IFITM10: variants seen among roughly 807,000 people sequenced by gnomAD.
IFITM10 encodes interferon-induced transmembrane protein 10.
A neutral mutation model predicts 19.0 loss-of-function variants in IFITM10; 17 were observed. That is an observed-to-expected ratio of 0.90 (90% CI 0.61 to 1.34). IFITM10 has a LOEUF of 1.34. IFITM10 is among the 40% of genes most tolerant of loss of function. The pLI, the probability that IFITM10 is intolerant of heterozygous loss-of-function variation, is 0.00. For missense variants in IFITM10, 306 were observed against 319.8 expected, an observed-to-expected ratio of 0.96 and a Z score of 0.33; for synonymous variants, 148 against 147.2, an observed-to-expected ratio of 1.01 and a Z score of -0.04.
At chr11:1,749,860 GCC>G (rs1317011454) in intron 1 of IFITM10, among the ~76,000 whole-genome samples, 16 of 152,036 alleles carry the variant, frequency 1.1e-4, no homozygotes, top group Admixed American at 1.0e-3. Context: ...CGGAGCTCCT[GCC>G]CCCTTTCCTG....
chr11:1,746,000 GTACA>G (rs528320376), intron 2 of IFITM10: 59 of 140,936 alleles, frequency 4.2e-4, no homozygotes, highest in African/African-American at 1.5e-3. Context: ...GCACACTCAG[GTACA>G]TACAGACAGT....
chr11:1,743,536 T>C (rs139778306), intron 2 of IFITM10, among the ~76,000 whole-genome samples: 1 of 152,182 alleles, frequency 6.6e-6, no homozygotes, highest in Non-Finnish European at 1.5e-5. Context: ...GAATGATAGA[T>C]GGATGGAGGA....
intron 2 of IFITM10, among the ~76,000 whole-genome samples, chr11:1,739,140 G>C (rs1851118800): frequency 6.6e-6 from 1 of 151,700 alleles, no homozygotes; most frequent in Non-Finnish European, 1.5e-5. Flanking sequence ...TATAGGAACG[G>C]ATGCCAGACT....
intron 2 of IFITM10, among the ~76,000 whole-genome samples, chr11:1,747,296 C>T (rs1354744236): frequency 6.6e-6 from 1 of 152,164 alleles, no homozygotes; most frequent in Admixed American, 6.5e-5. Flanking sequence ...TCCCTGCACA[C>T]GGAGAAGTGG....
chr11:1,748,416 G>A (rs1262159935), intron 1 of IFITM10: 2 of 369,364 alleles, frequency 5.4e-6, no homozygotes, highest in African/African-American at 2.1e-5. Context: ...GCACACCAAC[G>A]CTGAGACTGA....
At position 1,747,139 on chromosome 11, in the gene IFITM10, C is replaced by T. The variant is rs567972205; in HGVS notation, c.537+528G>A. On this transcript the variant is annotated intron_variant, in intron 2 of 2. Transcript: ENST00000340134. Reference sequence around the variant, plus strand: ...CCTCTTCCCTGGGCTGCCCTGGCCACCCAGGTCTGGTCTCCACGCAGGGCT... The same window carrying T: ...CCTCTTCCCTGGGCTGCCCTGGCCATCCAGGTCTGGTCTCCACGCAGGGCT... Among the ~76,000 whole-genome samples the T allele has an allele frequency of 5.3e-5, 8 of 152,238 alleles. No individual in the cohort carries two copies. In the East Asian group the frequency reaches 1.5e-3, roughly 29 times the overall value.
In IFITM10 at chr11:1,748,229, G is replaced by C. The variant is rs561668204; in HGVS notation, c.85-110C>G. 3.4e-6 allele frequency: 3 copies of C among 882,062 alleles called. No homozygotes were observed. In the East Asian group the frequency reaches 1.0e-4, roughly 29 times the overall value. 54.6% of individuals were successfully genotyped at this position (882,062 alleles called of 1,614,324 possible). ...CAGTGGAGACGGAAATCCCTGCGGG[G>C]GCCGCCAGCTGCCAGCCTGCCACCT... On this transcript the variant is annotated intron_variant, in intron 1 of 2. Coordinates refer to ENST00000340134, the MANE Select transcript of IFITM10 (RefSeq NM_001170820.4).
chr11:1,741,118 C>G (rs1845565942), intron 2 of IFITM10, among the ~76,000 whole-genome samples: 1 of 151,978 alleles, frequency 6.6e-6, no homozygotes, highest in South Asian at 2.1e-4. Context: ...ATAAATTACT[C>G]TCTCTCAGGT....
intron 2 of IFITM10, among the ~76,000 whole-genome samples, chr11:1,747,095 T>C (rs1206242769): frequency 2.0e-5 from 3 of 151,818 alleles, no homozygotes; most frequent in Admixed American, 6.6e-5. Context: ...GCTGGGGAGG[T>C]GCAGGACCTG....
intron 2 of IFITM10, among the ~76,000 whole-genome samples, chr11:1,743,080 TGGAG>T (rs1845590071): frequency 7.6e-6 from 1 of 132,030 alleles, no homozygotes; most frequent in South Asian, 2.5e-4. Flanking sequence ...GATGGATGGA[TGGAG>T]GATGGATGGA....
chr11:1,748,386 A>G, intron 1 of IFITM10: 1 of 384,088 alleles, frequency 2.6e-6, no homozygotes, highest in East Asian at 3.8e-5. Flanking sequence ...GACACACACA[A>G]CAGCACCCCC....
In IFITM10 at chr11:1,734,859, C is replaced by A; in HGVS notation, c.*421G>T. ...GACACAAGGGCTCTGAGCGGGGTCA[C>A]ATCGTGGAGGAGGCAGGGTCGGGGA... On this transcript the variant is annotated 3_prime_UTR_variant, in exon 3 of 3. Coordinates refer to ENST00000340134, the MANE Select transcript of IFITM10 (RefSeq NM_001170820.4). 1 of 183,926 alleles carries A rather than the reference C, an allele frequency of 5.4e-6. No individual in the cohort carries two copies. The highest frequency in any genetic ancestry group is 1.1e-5 in the Non-Finnish European group (1 of 88,910). The allele number at this position is 183,926 out of a possible 1,614,324, so 11.4% of individuals were successfully genotyped here.
rs940014189 is a variant in IFITM10, at chr11:1,746,884, G to A, written c.537+783C>T. On this transcript the variant is annotated intron_variant, in intron 2 of 2. Coordinates refer to ENST00000340134, the MANE Select transcript of IFITM10 (RefSeq NM_001170820.4). ...GGTGGGGAGGAGGGCACCGGGGCCT[G>A]CCCTCGCCCTCACGCTCCCTTCCCC... 15 of 398,018 alleles carry A rather than the reference G, an allele frequency of 3.8e-5. No homozygotes were observed. In the Admixed American group the frequency reaches 5.7e-4, roughly 15 times the overall value. The allele number at this position is 398,018 out of a possible 1,614,324, so 24.7% of individuals were successfully genotyped here.
At chr11:1,747,440 G>A (rs888546613) in intron 2 of IFITM10, among the ~76,000 whole-genome samples, 1 of 152,156 alleles carries the variant, frequency 6.6e-6, no homozygotes, top group Admixed American at 6.5e-5. Context: ...GCTCAGGAGA[G>A]GGAAGGGCAG....
chr11:1,744,196 T>C (rs1845609607), intron 2 of IFITM10, among the ~76,000 whole-genome samples: 1 of 152,218 alleles, frequency 6.6e-6, no homozygotes, highest in Non-Finnish European at 1.5e-5. Flanking sequence ...GTGTCCTCTG[T>C]CCACCCACCC....
intron 1 of IFITM10, chr11:1,749,166 C>G (rs1279135851): frequency 2.2e-6 from 2 of 891,276 alleles, no homozygotes; most frequent in Non-Finnish European, 2.7e-6. Flanking sequence ...GGCGGCGGCG[C>G]CGCTGCCTCC....
rs1437035934 is a variant in IFITM10 at position 1,736,780 on chromosome 11, T to C, written c.538-1351A>G. On this transcript the variant is annotated intron_variant, in intron 2 of 2. Coordinates refer to ENST00000340134, the MANE Select transcript of IFITM10 (RefSeq NM_001170820.4). ...GATGGAGTGGAGTCAATGGAATGGATAGAGTGGATGGAGTGGAGTGAATGG... is the reference window on the plus strand; with the variant it reads ...GATGGAGTGGAGTCAATGGAATGGACAGAGTGGATGGAGTGGAGTGAATGG... 3.4e-5 allele frequency among the ~76,000 whole-genome samples: 5 copies of C among 145,448 alleles called. No homozygotes were observed. In the East Asian group the frequency reaches 7.9e-4, roughly 23 times the overall value.
chr11:1,736,632 ATGGAATGGATGGAGTGAAGTGGG>A (rs1851089776), intron 2 of IFITM10, among the ~76,000 whole-genome samples: 1 of 151,570 alleles, frequency 6.6e-6, no homozygotes, highest in Non-Finnish European at 1.5e-5. Flanking sequence ...AGTGAAGTGG[ATGGAATGGATGGAGTGAAGTGGG>A]TGGAATGGAT....
At chr11:1,741,148 A>C (rs1282749505) in intron 2 of IFITM10, among the ~76,000 whole-genome samples, 1 of 152,060 alleles carries the variant, frequency 6.6e-6, no homozygotes, top group Non-Finnish European at 1.5e-5. Flanking sequence ...CAGCTGTGCA[A>C]GAACGGCCTA....
Sources: allele counts gnomAD v4.1 joint callset (sites outside exome capture counted in the v4.1 genomes callset), GRCh38; gene constraint gnomAD v4.1.1; transcripts MANE v1.5; gene names NCBI Gene and HGNC (gene_info 2026-07-23, HGNC 2026-07-21).